ATG2B: variants seen among roughly 807,000 people sequenced by gnomAD.
ATG2B encodes autophagy-related protein 2 homolog B.
Under a neutral mutation model 241.3 loss-of-function variants are expected in ATG2B, and 121 were observed. The ratio of observed to expected loss-of-function variants is 0.50; its 90% CI spans 0.43 to 0.58. The LOEUF (loss-of-function observed/expected upper bound fraction) is 0.58, where lower values mean the gene tolerates loss of function less well. ATG2B is among the 20% of genes least tolerant of loss of function. The pLI is 0.00. For missense variants in ATG2B, 2,306 were observed against 2,491.6 expected (o/e 0.93, Z 1.59); for synonymous variants, 858 against 876.6 (o/e 0.98, Z 0.37).
At chr14:96,356,281 A>C (rs1035643473) in intron 1 of ATG2B, among the ~76,000 whole-genome samples, 2 of 152,172 alleles carry the variant, frequency 1.3e-5, no homozygotes, top group African/African-American at 4.8e-5. Flanking sequence ...CACCTGCATT[A>C]AATCTTCATA....
rs1289803282 is a variant in ATG2B, at chr14:96,363,049, C to T, written c.-73G>A. On this transcript the variant is annotated 5_prime_UTR_variant, in exon 1 of 42. Transcript: ENST00000359933. ...TCCGGCCTCGGGGTAGCGACTCCGG[C>T]TCCAGGCCGCGGCGGGGCCTAAGCC... 7.6e-6 allele frequency: 12 copies of T among 1,573,932 alleles called. No individual in the cohort carries two copies. The highest frequency in any genetic ancestry group is 1.4e-5 in the African/African-American group (1 of 73,810).
intron 1 of ATG2B, among the ~76,000 whole-genome samples, chr14:96,359,275 A>G (rs951034683): frequency 6.6e-6 from 1 of 151,926 alleles, no homozygotes. Flanking sequence ...CAGGGAGGGG[A>G]GGAGAGGTAG....
chr14:96,291,386 A>G (rs973092416), intron 38 of ATG2B, among the ~76,000 whole-genome samples: 1 of 152,190 alleles, frequency 6.6e-6, no homozygotes, highest in Non-Finnish European at 1.5e-5. Flanking sequence ...ATCCTAAACT[A>G]TAACTGTTTT....
chr14:96,332,018 A>C (rs1887749846), intron 10 of ATG2B, among the ~76,000 whole-genome samples: 1 of 152,176 alleles, frequency 6.6e-6, no homozygotes, highest in African/African-American at 2.4e-5. Context: ...ATAGTGAAAC[A>C]AAAATCACAT....
chr14:96,327,904 G>C (rs144351284), intron 14 of ATG2B, among the ~76,000 whole-genome samples: 4 of 152,156 alleles, frequency 2.6e-5, no homozygotes, highest in African/African-American at 9.6e-5. Context: ...TGCAACCTCC[G>C]CCTCCTGGGT....
At chr14:96,321,064 A>C (rs1887445390) in intron 18 of ATG2B, among the ~76,000 whole-genome samples, 1 of 152,174 alleles carries the variant, frequency 6.6e-6, no homozygotes, top group South Asian at 2.1e-4. Flanking sequence ...ACCAGAGTGG[A>C]CTGTTCTCTG....
intron 32 of ATG2B, 114 bp from the exon 33 acceptor site, chr14:96,303,369 G>T: frequency 1.2e-6 from 1 of 817,318 alleles, no homozygotes; most frequent in Non-Finnish European, 1.7e-6. Flanking sequence ...TTCTACCTCA[G>T]CTTACAATTC....
In ATG2B at chr14:96,332,434, C is replaced by T. The variant is rs367697951; in HGVS notation, c.1363-24G>A. On this transcript the variant is annotated intron_variant, in intron 9 of 41. Coordinates refer to ENST00000359933, the MANE Select transcript of ATG2B (RefSeq NM_018036.7). ...AGCTATAAAAGATTTTTTTTAAGCA[C>T]ATGAATGAAGTGTAGAATTTTAGAA... is the stretch of plus-strand genomic sequence containing the variant. The T allele has an allele frequency of 5.6e-6, 9 of 1,612,576 alleles. No homozygotes were observed. In the African/African-American group the frequency reaches 1.1e-4, roughly 19 times the overall value.
At chr14:96,293,432 TA>T (rs1456225801) in intron 36 of ATG2B, among the ~76,000 whole-genome samples, 3 of 152,222 alleles carry the variant, frequency 2.0e-5, no homozygotes, top group Non-Finnish European at 4.4e-5. Flanking sequence ...CTCAATTAAA[TA>T]TTTTCTCTAC....
intron 36 of ATG2B, among the ~76,000 whole-genome samples, chr14:96,293,622 T>C (rs1017594385): frequency 6.6e-6 from 1 of 152,226 alleles, no homozygotes; most frequent in Admixed American, 6.5e-5. Flanking sequence ...CCACGAACTG[T>C]GGTCTTGAGC....
intron 1 of ATG2B, among the ~76,000 whole-genome samples, chr14:96,349,429 AT>A (rs1288720770): frequency 6.6e-6 from 1 of 152,152 alleles, no homozygotes; most frequent in Non-Finnish European, 1.5e-5. Flanking sequence ...CCATGATGAG[AT>A]TCAAACTTTG....
intron 1 of ATG2B, among the ~76,000 whole-genome samples, chr14:96,351,433 T>C (rs1888317101): frequency 6.6e-6 from 1 of 152,094 alleles, no homozygotes; most frequent in African/African-American, 2.4e-5. Context: ...GAAACTCGTC[T>C]CTACAAAAAA....
At chr14:96,346,347 T>C (rs1451816998) in intron 2 of ATG2B, among the ~76,000 whole-genome samples, 4 of 152,178 alleles carry the variant, frequency 2.6e-5, no homozygotes, top group Non-Finnish European at 4.4e-5. Flanking sequence ...GTCTTTCTAA[T>C]GGAATGCTTT....
intron 1 of ATG2B, among the ~76,000 whole-genome samples, chr14:96,347,890 G>C (rs1224269511): frequency 1.3e-5 from 2 of 152,202 alleles, no homozygotes; most frequent in African/African-American, 2.4e-5. Flanking sequence ...TGGTGGAATT[G>C]TAAATTATTA....
At chr14:96,320,265 A>C (rs902743579) in intron 18 of ATG2B, among the ~76,000 whole-genome samples, 2 of 152,046 alleles carry the variant, frequency 1.3e-5, no homozygotes, top group Non-Finnish European at 2.9e-5. Flanking sequence ...CTCGCCAAAG[A>C]CCAACTGTGT....
chr14:96,340,433 T>G (rs549981330), intron 6 of ATG2B, among the ~76,000 whole-genome samples: 1 of 151,968 alleles, frequency 6.6e-6, no homozygotes, highest in African/African-American at 2.4e-5. Context: ...TTATGTTAAG[T>G]GACATAAGCC....
chr14:96,347,707 A>T (rs1338319329), intron 1 of ATG2B, among the ~76,000 whole-genome samples: 1 of 152,202 alleles, frequency 6.6e-6, no homozygotes, highest in Admixed American at 6.5e-5. Context: ...GAAGACATAA[A>T]ATGGCAAACA....
chr14:96,312,300 C>A, intron 25 of ATG2B, 141 bp from the exon 26 acceptor site: 1 of 617,914 alleles, frequency 1.6e-6, no homozygotes, highest in Non-Finnish European at 2.8e-6. Flanking sequence ...TTATAACTGT[C>A]ATCTAACATT....
At chr14:96,353,666 T>C (rs1306626099) in intron 1 of ATG2B, among the ~76,000 whole-genome samples, 1 of 148,932 alleles carries the variant, frequency 6.7e-6, no homozygotes, top group African/African-American at 2.4e-5. Context: ...ATATAAATCA[T>C]TAAAGGAATT....
Sources: allele counts gnomAD v4.1 joint callset (sites outside exome capture counted in the v4.1 genomes callset), GRCh38; gene constraint gnomAD v4.1.1; transcripts MANE v1.5; gene names NCBI Gene and HGNC (gene_info 2026-07-23, HGNC 2026-07-21).